The following GPC6 variants were observed in gnomAD, a reference collection of about 807,000 sequenced individuals.
The protein encoded by GPC6 is glypican 6, also known as glypican-6.
A neutral mutation model predicts 55.2 loss-of-function variants in GPC6; 14 were observed. The ratio of observed to expected loss-of-function variants is 0.25; its 90% CI spans 0.17 to 0.40. GPC6 has a LOEUF of 0.40. Among genes scored for constraint, GPC6 ranks in the 10% least tolerant of loss-of-function variants. The pLI is 1.00. For missense variants in GPC6, 641 were observed against 708.5 expected (o/e 0.90, Z 1.08); for synonymous variants, 278 against 259.6 (o/e 1.07, Z -0.68).
At chr13:93,467,636 C>T (rs1180938304) in intron 1 of GPC6, among the ~76,000 whole-genome samples, 7 of 130,912 alleles carry the variant, frequency 5.3e-5, no homozygotes, top group African/African-American at 1.8e-4. Context: ...GGATGGAGTG[C>T]GGTATTGTGA....
intron 1 of GPC6, among the ~76,000 whole-genome samples, chr13:93,253,448 A>G (rs1876852435): frequency 6.6e-6 from 1 of 152,198 alleles, no homozygotes; most frequent in Non-Finnish European, 1.5e-5. Context: ...CACTTGACTA[A>G]AAGAATAGCA....
intron 1 of GPC6, among the ~76,000 whole-genome samples, chr13:93,408,311 T>A (rs1454960676): frequency 6.6e-6 from 1 of 152,120 alleles, no homozygotes; most frequent in South Asian, 2.1e-4. Context: ...TGGACTAGAA[T>A]AGAAGAGGTG....
intron 4 of GPC6, among the ~76,000 whole-genome samples, chr13:94,264,156 T>C (rs1440006277): frequency 6.6e-6 from 1 of 152,200 alleles, no homozygotes; most frequent in East Asian, 1.9e-4. Flanking sequence ...AATTCCTCCC[T>C]CTCTACCCCC....
chr13:93,728,873 T>G (rs1245174709), intron 2 of GPC6, among the ~76,000 whole-genome samples: 2 of 152,108 alleles, frequency 1.3e-5, no homozygotes, highest in African/African-American at 4.8e-5. Flanking sequence ...CAGCCTTATT[T>G]TCTTTATTAA....
chr13:93,883,405 A>G (rs1018099806), intron 3 of GPC6, among the ~76,000 whole-genome samples: 44 of 152,164 alleles, frequency 2.9e-4, no homozygotes, highest in African/African-American at 1.1e-3. Flanking sequence ...AGCAGTGTAG[A>G]AGTATTCCTT....
At chr13:94,250,732 G>A (rs1891322927) in intron 4 of GPC6, among the ~76,000 whole-genome samples, 1 of 152,148 alleles carries the variant, frequency 6.6e-6, no homozygotes, top group South Asian at 2.1e-4. Flanking sequence ...AGTTGGATAT[G>A]GAGAGGTGGC....
intron 3 of GPC6, among the ~76,000 whole-genome samples, chr13:93,831,588 A>G (rs1000177078): frequency 4.0e-5 from 6 of 151,564 alleles, no homozygotes; most frequent in Admixed American, 3.9e-4. Flanking sequence ...GGTCTCCTCA[A>G]TATTTACATC....
intron 2 of GPC6, among the ~76,000 whole-genome samples, chr13:93,685,707 C>T (rs1328062870): frequency 1.3e-5 from 2 of 152,000 alleles, no homozygotes; most frequent in Non-Finnish European, 2.9e-5. Context: ...GTCACATTAG[C>T]TTCCCACAGA....
At chr13:93,909,467 A>G (rs914158652) in intron 3 of GPC6, among the ~76,000 whole-genome samples, 1 of 152,174 alleles carries the variant, frequency 6.6e-6, no homozygotes, top group Non-Finnish European at 1.5e-5. Flanking sequence ...AATGGTAACT[A>G]TCAAAAAAAA....
chr13:93,561,415 A>ATATATATATATATATATATATATC (rs1306819257), intron 2 of GPC6, among the ~76,000 whole-genome samples: 4 of 142,778 alleles, frequency 2.8e-5, no homozygotes, highest in Non-Finnish European at 6.1e-5. Flanking sequence ...ATATATATAT[A>ATATATATATATATATATATATATC]TATATATATA....
At chr13:93,263,486 T>C (rs1877220351) in intron 1 of GPC6, among the ~76,000 whole-genome samples, 1 of 152,186 alleles carries the variant, frequency 6.6e-6, no homozygotes, top group African/African-American at 2.4e-5. Flanking sequence ...TCCTTCAGCC[T>C]CCTAAGTAGC....
rs549753348 is a variant in GPC6, at chr13:94,405,339, A to G, written c.*2122A>G. On this transcript the variant is annotated 3_prime_UTR_variant, in exon 9 of 9. Coordinates refer to ENST00000377047, the MANE Select transcript of GPC6 (RefSeq NM_005708.5). ...CTTCCTACCACAAATTCCACATAAG[A>G]CTTCTCTATGAAGGACCAGTCATTT... The G allele has an allele frequency of 2.0e-4, 31 of 152,098 alleles. No homozygotes were observed. Among genetic ancestry groups the G allele is most frequent in the Non-Finnish European group, 4.1e-4 (28 of 68,020 alleles). 9.4% of individuals were successfully genotyped at this position (152,098 alleles called of 1,614,324 possible).
At chr13:93,721,080 G>A (rs1023723336) in intron 2 of GPC6, among the ~76,000 whole-genome samples, 4 of 151,864 alleles carry the variant, frequency 2.6e-5, no homozygotes, top group African/African-American at 4.8e-5. Flanking sequence ...TATTAGGTCC[G>A]CTAGGTCCAG....
intron 2 of GPC6, among the ~76,000 whole-genome samples, chr13:93,778,325 G>C (rs118048191): frequency 0.02 from 3,045 of 152,076 alleles, 42 homozygotes; most frequent in Middle Eastern, 0.034. Flanking sequence ...GTTACTGTTG[G>C]TACCAAAACG....
chr13:94,266,146 CTTT>C (rs1417269883), intron 4 of GPC6, among the ~76,000 whole-genome samples: 2 of 105,400 alleles, frequency 1.9e-5, no homozygotes, highest in African/African-American at 7.5e-5. Context: ...CTTTACTTTT[CTTT>C]TCTTTTTTTT....
intron 1 of GPC6, among the ~76,000 whole-genome samples, chr13:93,316,169 G>A (rs1566295282): frequency 1.3e-5 from 2 of 151,994 alleles, no homozygotes; most frequent in East Asian, 3.9e-4. Flanking sequence ...TTTTAACAAA[G>A]TGCTCCAAGC....
At chr13:94,256,653 T>C (rs1891514833) in intron 4 of GPC6, among the ~76,000 whole-genome samples, 1 of 152,142 alleles carries the variant, frequency 6.6e-6, no homozygotes, top group Admixed American at 6.6e-5. Context: ...CTGCAAAGTC[T>C]TGTAGTTCTT....
At chr13:93,791,120 C>G (rs1431804317) in intron 2 of GPC6, among the ~76,000 whole-genome samples, 1 of 152,130 alleles carries the variant, frequency 6.6e-6, no homozygotes, top group East Asian at 1.9e-4. Context: ...CATAGTGATT[C>G]ATTCATCGAT....
At chr13:93,391,825 C>T (rs1461207944) in intron 1 of GPC6, among the ~76,000 whole-genome samples, 4 of 152,024 alleles carry the variant, frequency 2.6e-5, no homozygotes, top group East Asian at 1.9e-4. Flanking sequence ...AGATGAGTTA[C>T]GGCAGATTCT....
Sources: allele counts gnomAD v4.1 joint callset (sites outside exome capture counted in the v4.1 genomes callset), GRCh38; gene constraint gnomAD v4.1.1; transcripts MANE v1.5; gene names NCBI Gene and HGNC (gene_info 2026-07-23, HGNC 2026-07-21).